Variants in TENM2 observed in about 807,000 individuals in gnomAD.
The protein encoded by TENM2 is teneurin-2.
TENM2 carries 52 observed loss-of-function variants against 245.2 expected under a neutral mutation model. The ratio of observed to expected loss-of-function variants is 0.21; its 90% CI spans 0.17 to 0.27. TENM2 has a LOEUF of 0.27. TENM2 is among the 10% of genes least tolerant of loss of function. The probability of loss-of-function intolerance (pLI) is 1.00; values close to 1 mark genes in which losing one functional copy is unlikely to be tolerated. For synonymous variants in TENM2, 1,363 were observed against 1,438.9 expected, an observed-to-expected ratio of 0.95 and a Z score of 1.19; for missense variants, 3,046 against 3,666.8, an observed-to-expected ratio of 0.83 and a Z score of 4.37.
At chr5:168,133,066 T>A (rs1754730466) in intron 12 of TENM2, among the ~76,000 whole-genome samples, 1 of 152,220 alleles carries the variant, frequency 6.6e-6, no homozygotes, top group Non-Finnish European at 1.5e-5. Context: ...TCACCAAGCC[T>A]TCCCGACCTC....
chr5:167,053,912 G>T, the TENM2 span, among the ~76,000 whole-genome samples: 2 of 152,022 alleles, frequency 1.3e-5, no homozygotes, highest in African/African-American at 4.8e-5. Context: ...GGAGTTTTAA[G>T]TTCATAGCAA....
the TENM2 span, among the ~76,000 whole-genome samples, chr5:167,043,439 G>A: frequency 6.6e-6 from 1 of 152,138 alleles, no homozygotes; most frequent in East Asian, 1.9e-4. Flanking sequence ...TGTGTGTGGG[G>A]TGTTGAAGAG....
the TENM2 span, among the ~76,000 whole-genome samples, chr5:167,042,993 C>T: frequency 1.3e-5 from 2 of 152,188 alleles, no homozygotes; most frequent in Admixed American, 1.3e-4. Flanking sequence ...TTCCAGTTGG[C>T]CAGTGACACC....
intron 5 of TENM2, among the ~76,000 whole-genome samples, chr5:168,004,831 A>AT (rs59307157): frequency 0.32 from 48,638 of 151,804 alleles, 7,980 homozygotes; most frequent in East Asian, 0.38. Context: ...GTCACGGTTA[A>AT]TTTTTTTTAA....
intron 4 of TENM2, among the ~76,000 whole-genome samples, chr5:167,987,056 C>A (rs970502156): frequency 6.6e-6 from 1 of 152,152 alleles, no homozygotes; most frequent in African/African-American, 2.4e-5. Context: ...CTGGTTTCAA[C>A]GATTGCTATC....
chr5:167,672,797 A>G (rs1356599761), intron 2 of TENM2, among the ~76,000 whole-genome samples: 1 of 152,006 alleles, frequency 6.6e-6, no homozygotes, highest in Non-Finnish European at 1.5e-5. Context: ...ACCCAAGGAC[A>G]AAAGAACAAG....
At chr5:167,349,241 T>C (rs760787377) in intron 1 of TENM2, among the ~76,000 whole-genome samples, 1 of 152,210 alleles carries the variant, frequency 6.6e-6, no homozygotes, top group Admixed American at 6.5e-5. Flanking sequence ...TTGGTGCACG[T>C]CATCTAATAG....
intron 2 of TENM2, among the ~76,000 whole-genome samples, chr5:167,672,280 CACACACATATATAT>C (rs1481496478): frequency 1.3e-5 from 2 of 151,762 alleles, no homozygotes; most frequent in Non-Finnish European, 2.9e-5. Flanking sequence ...TGTATATATA[CACACACATATATAT>C]ACACACATAT....
chr5:168,203,226 A>C (rs950540184), intron 17 of TENM2, among the ~76,000 whole-genome samples: 3 of 152,202 alleles, frequency 2.0e-5, no homozygotes, highest in African/African-American at 7.2e-5. Flanking sequence ...TTGCTCCCAG[A>C]ATCTCCATGT....
At chr5:167,273,766 G>T in the TENM2 span, among the ~76,000 whole-genome samples, 1 of 152,076 alleles carries the variant, frequency 6.6e-6, no homozygotes, top group African/African-American at 2.4e-5. Context: ...AATTGAAAGG[G>T]GTGGTAAAAT....
chr5:167,044,080 G>GGAAGGAAGGAAA, the TENM2 span, among the ~76,000 whole-genome samples: 326 of 150,660 alleles, frequency 2.2e-3, no homozygotes, highest in Non-Finnish European at 3.7e-3. Flanking sequence ...AAGGAAGGAA[G>GGAAGGAAGGAAA]GAAAGACTGT....
At chr5:167,105,244 G>T in the TENM2 span, among the ~76,000 whole-genome samples, 3 of 152,260 alleles carry the variant, frequency 2.0e-5, no homozygotes, top group South Asian at 6.2e-4. Flanking sequence ...AGTGTTGGTT[G>T]TATTCTCAAA....
intron 2 of TENM2, among the ~76,000 whole-genome samples, chr5:167,581,292 C>A (rs981241044): frequency 1.3e-5 from 2 of 152,018 alleles, no homozygotes; most frequent in Admixed American, 6.5e-5. Flanking sequence ...TGCTAAAAGG[C>A]AAAAAGTGGT....
In TENM2 at chr5:168,243,938, T is replaced by G. The variant is rs940425577; in HGVS notation, c.5521-482T>G. 2.2e-4 allele frequency among the ~76,000 whole-genome samples: 23 copies of G among 105,666 alleles called. No homozygotes were observed. In the East Asian group the frequency reaches 4.1e-3, roughly 19 times the overall value. 69.3% of individuals were successfully genotyped at this position (105,666 alleles called of 152,430 possible). ...AATACTACCATTTTCTTTTCTTTGG[T>G]TTTTTTTTTTTTTTTTTTTAAGATA... On this transcript the variant is annotated intron_variant, in intron 25 of 28. Transcript: ENST00000518659.
At chr5:167,631,249 A>T (rs1383036797) in intron 2 of TENM2, among the ~76,000 whole-genome samples, 3 of 152,174 alleles carry the variant, frequency 2.0e-5, no homozygotes, top group Non-Finnish European at 2.9e-5. Context: ...AAAAAAGATA[A>T]TGAAATAATA....
chr5:167,482,975 C>A (rs766580416), intron 2 of TENM2, among the ~76,000 whole-genome samples: 1 of 152,210 alleles, frequency 6.6e-6, no homozygotes, highest in Non-Finnish European at 1.5e-5. Context: ...TCTTTCACTA[C>A]GTTAAATTCA....
At chr5:167,066,676 T>C in the TENM2 span, among the ~76,000 whole-genome samples, 2 of 152,014 alleles carry the variant, frequency 1.3e-5, no homozygotes, top group Non-Finnish European at 2.9e-5. Flanking sequence ...CCAGAATGTT[T>C]CAATGCAAAT....
chr5:167,718,681 G>T (rs980764205), intron 2 of TENM2, among the ~76,000 whole-genome samples: 2 of 152,138 alleles, frequency 1.3e-5, no homozygotes, highest in African/African-American at 4.8e-5. Context: ...TATAGATCGG[G>T]ATTCATACAA....
At chr5:168,018,156 A>G (rs1785823876) in intron 5 of TENM2, among the ~76,000 whole-genome samples, 1 of 152,076 alleles carries the variant, frequency 6.6e-6, no homozygotes, top group Non-Finnish European at 1.5e-5. Flanking sequence ...AATTCTCCTT[A>G]CTATAGCAAT....
Sources: allele counts gnomAD v4.1 joint callset (sites outside exome capture counted in the v4.1 genomes callset), GRCh38; gene constraint gnomAD v4.1.1; transcripts MANE v1.5; gene names NCBI Gene and HGNC (gene_info 2026-07-23, HGNC 2026-07-21).